The following KIAA1549L variants were observed in gnomAD, a reference collection of about 807,000 sequenced individuals.
KIAA1549L encodes the protein UPF0606 protein KIAA1549L.
A neutral mutation model predicts 160.7 loss-of-function variants in KIAA1549L; 88 were observed. That is an observed-to-expected ratio of 0.55 (90% CI 0.46 to 0.65). The LOEUF is 0.65. Ranked by LOEUF, KIAA1549L falls within the 30% of genes least tolerant of loss-of-function variation. The probability of loss-of-function intolerance (pLI) is 0.00; values close to 1 mark genes in which losing one functional copy is unlikely to be tolerated. For synonymous variants in KIAA1549L, 950 were observed against 976.7 expected (o/e 0.97, Z 0.51); for missense variants, 2,258 against 2,437.5 (o/e 0.93, Z 1.55).
intron 1 of KIAA1549L, among the ~76,000 whole-genome samples, chr11:33,480,702 G>A (rs1852393429): frequency 6.6e-6 from 1 of 152,130 alleles, no homozygotes; most frequent in South Asian, 2.1e-4. Flanking sequence ...AGTCCTGGTG[G>A]GCCATTTGAA....
chr11:33,412,774 T>C (rs574034466), intron 1 of KIAA1549L, among the ~76,000 whole-genome samples: 2 of 152,238 alleles, frequency 1.3e-5, no homozygotes, highest in Admixed American at 6.5e-5. Context: ...TCTGTTGAAG[T>C]ATTATGTAAA....
At chr11:33,432,484 A>G (rs1194124467) in intron 1 of KIAA1549L, among the ~76,000 whole-genome samples, 1 of 152,046 alleles carries the variant, frequency 6.6e-6, no homozygotes, top group Non-Finnish European at 1.5e-5. Flanking sequence ...TAGATTCTGG[A>G]TATTAATTTT....
intron 1 of KIAA1549L, among the ~76,000 whole-genome samples, chr11:33,418,803 T>C (rs924826597): frequency 1.3e-5 from 2 of 151,954 alleles, no homozygotes; most frequent in Non-Finnish European, 2.9e-5. Context: ...GCTAAAGCAT[T>C]GAAGGACATC....
At chr11:33,621,605 T>G (rs1850959805) in intron 16 of KIAA1549L, among the ~76,000 whole-genome samples, 1 of 152,216 alleles carries the variant, frequency 6.6e-6, no homozygotes, top group Non-Finnish European at 1.5e-5. Flanking sequence ...CAAAGTATTT[T>G]TAAAATGTTA....
rs1199629179 is a variant in KIAA1549L at position 33,673,936 on chromosome 11, T to C, written c.*5782T>C. On this transcript the variant is annotated 3_prime_UTR_variant, in exon 21 of 21. Coordinates refer to ENST00000658780, the MANE Select transcript of KIAA1549L (RefSeq NM_012194.3). ...AGTCTTTAAAACCATATTAGACACA[T>C]TGGGCAAAGTACTGAGCAGAAGCTT... The C allele has an allele frequency of 6.6e-6, 1 of 152,238 alleles. No homozygotes were observed. 9.4% of individuals were successfully genotyped at this position (152,238 alleles called of 1,614,324 possible).
intron 16 of KIAA1549L, among the ~76,000 whole-genome samples, chr11:33,629,190 A>G (rs2133371550): frequency 6.6e-6 from 1 of 152,184 alleles, no homozygotes; most frequent in African/African-American, 2.4e-5. Flanking sequence ...TTTGAGGGTA[A>G]CCCGACCTTT....
chr11:33,628,478 G>C (rs1249097864), intron 16 of KIAA1549L, among the ~76,000 whole-genome samples: 2 of 150,740 alleles, frequency 1.3e-5, no homozygotes, highest in Admixed American at 1.3e-4. Context: ...CCTGTATTGG[G>C]CGCATATATA....
chr11:33,515,388 C>T (rs1457011277), intron 1 of KIAA1549L, among the ~76,000 whole-genome samples: 2 of 152,334 alleles, frequency 1.3e-5, no homozygotes, highest in African/African-American at 4.8e-5. Flanking sequence ...CTTCAGGCCC[C>T]AGTTTCAAAT....
intron 1 of KIAA1549L, among the ~76,000 whole-genome samples, chr11:33,378,061 G>GC (rs1565112060): frequency 1.3e-5 from 2 of 152,156 alleles, no homozygotes; most frequent in Admixed American, 1.3e-4. Flanking sequence ...ACGAATTTTA[G>GC]CCCCCGATTT....
intron 1 of KIAA1549L, among the ~76,000 whole-genome samples, chr11:33,477,921 G>A (rs1852324837): frequency 6.6e-6 from 1 of 152,166 alleles, no homozygotes; most frequent in South Asian, 2.1e-4. Context: ...TAGACCCAAG[G>A]AACAGCCCCA....
intron 10 of KIAA1549L, among the ~76,000 whole-genome samples, chr11:33,575,874 G>A (rs1855428509): frequency 6.6e-6 from 1 of 152,134 alleles, no homozygotes. Flanking sequence ...GAAGGAGATA[G>A]TACACACTCT....
At chr11:33,482,785 G>C (rs564655390) in intron 1 of KIAA1549L, among the ~76,000 whole-genome samples, 1 of 151,828 alleles carries the variant, frequency 6.6e-6, no homozygotes, top group Non-Finnish European at 1.5e-5. Flanking sequence ...GGCCAGGCTG[G>C]TTTTGAACTC....
intron 17 of KIAA1549L, among the ~76,000 whole-genome samples, chr11:33,646,413 G>A (rs1851725604): frequency 6.6e-6 from 1 of 152,170 alleles, no homozygotes; most frequent in Non-Finnish European, 1.5e-5. Flanking sequence ...GGGTTGTGTG[G>A]CCTGGTGGTT....
intron 1 of KIAA1549L, among the ~76,000 whole-genome samples, chr11:33,386,148 C>T (rs1850168452): frequency 6.6e-6 from 1 of 152,142 alleles, no homozygotes; most frequent in African/African-American, 2.4e-5. Flanking sequence ...GACATCCTTG[C>T]CTTGATCCTG....
rs1274260742 is a variant in KIAA1549L at position 33,376,914 on chromosome 11, C to A, written c.238+25C>A. On this transcript the variant is annotated intron_variant, in intron 1 of 20. Transcript: ENST00000658780. This position sits in a 1 kb window ranked among gnomAD's most constrained non-coding sequence, Gnocchi z 5.8. ...GGTAAGCGCTCGGCGGCGGGGCGTCCGCGGAGGTTTCTGGAGGAGCGGGGC... is the reference window on the plus strand; with the variant it reads ...GGTAAGCGCTCGGCGGCGGGGCGTCAGCGGAGGTTTCTGGAGGAGCGGGGC... The A allele has an allele frequency of 6.6e-6, 1 of 152,388 alleles. No individual in the cohort carries two copies. The allele number at this position is 152,388 out of a possible 1,614,324, so 9.4% of individuals were successfully genotyped here.
intron 1 of KIAA1549L, among the ~76,000 whole-genome samples, chr11:33,432,623 C>G (rs1851273065): frequency 6.6e-6 from 1 of 152,114 alleles, no homozygotes; most frequent in Non-Finnish European, 1.5e-5. Flanking sequence ...GGGCATTCTT[C>G]AAGACAATTC....
rs369341523 is a variant in KIAA1549L at position 33,598,907 on chromosome 11, A to G, written c.4839A>G (p.Ala1613=). The change falls in exon 13 of 21, where the codon GCA becomes GCG. Residue 1613 remains alanine, a synonymous_variant. Coordinates refer to ENST00000658780, the MANE Select transcript of KIAA1549L (RefSeq NM_012194.3). ...GACGCTCACCCCAGAATGTAATGGCACAGCAGAAAGTGACAAAGGAGGAGG... is the reference window on the plus strand; with the variant it reads ...GACGCTCACCCCAGAATGTAATGGCGCAGCAGAAAGTGACAAAGGAGGAGG... ...SGRRSPQNVM[A]QQKVTKEEAR... 6.8e-6 allele frequency: 11 copies of G among 1,613,720 alleles called. No homozygotes were observed. The African/African-American group carries it at 1.5e-4, about 22-fold the overall frequency.
chr11:33,564,000 C>G (rs1050695694), intron 8 of KIAA1549L, among the ~76,000 whole-genome samples: 2 of 152,098 alleles, frequency 1.3e-5, no homozygotes, highest in Admixed American at 1.3e-4. Context: ...TTTCAGGACT[C>G]TCCTCAGACT....
Position 33,542,721 on chromosome 11 carries a change from C to T in KIAA1549L, c.1158C>T (p.Thr386=). Residue 386 remains threonine (T), a synonymous_variant, in exon 2 of 21, where the codon ACC becomes ACT. Transcript: ENST00000658780. Reference sequence around the variant, plus strand: ...AAGTGGCTTCAGGTCCTGCATCCACCCAGCAGATCAAAGCTGGGGTGCCTG... The same window carrying T: ...AAGTGGCTTCAGGTCCTGCATCCACTCAGCAGATCAAAGCTGGGGTGCCTG... ...MLEVASGPAS[T]QQIKAGVPGR... 2 of 1,614,002 alleles carry T rather than the reference C, an allele frequency of 1.2e-6. No individual in the cohort carries two copies. The highest frequency in any genetic ancestry group is 2.2e-5 in the South Asian group (2 of 91,082).
Sources: allele counts gnomAD v4.1 joint callset (sites outside exome capture counted in the v4.1 genomes callset), GRCh38; gene constraint gnomAD v4.1.1; non-coding constraint Gnocchi (gnomAD v3.1); transcripts MANE v1.5; gene names NCBI Gene and HGNC (gene_info 2026-07-23, HGNC 2026-07-21).